GYPC: variants seen among roughly 807,000 people sequenced by gnomAD.
The protein encoded by GYPC is glycophorin C (Gerbich blood group).
GYPC carries 14 observed loss-of-function variants against 12.6 expected under a neutral mutation model. The ratio of observed to expected loss-of-function variants is 1.11; its 90% CI spans 0.74 to 1.74. The LOEUF (loss-of-function observed/expected upper bound fraction) is 1.74. GYPC is among the 40% of genes most tolerant of loss of function. The pLI is 0.00. For missense variants in GYPC, 225 were observed against 172.1 expected (o/e 1.31, Z -1.72); for synonymous variants, 78 against 62.1 (o/e 1.26, Z -1.20).
At position 126,696,170 on chromosome 2, in the gene GYPC, G is replaced by A. The variant is rs766515428; in HGVS notation, c.*28G>A. The stretch of plus-strand genomic sequence containing the variant: ...GACAACAGACTTCACTTCCCTGAAT[G>A]CCTCCCCCATCTCCATCAGGAAAAA... On this transcript the variant is annotated 3_prime_UTR_variant, in exon 4 of 4. Transcript: ENST00000259254. 2.0e-6 allele frequency: 3 copies of A among 1,532,998 alleles called. No individual in the cohort carries two copies. The South Asian group carries it at 3.4e-5, about 17-fold the overall frequency. 95.0% of individuals were successfully genotyped at this position (1,532,998 alleles called of 1,614,324 possible). A position where few individuals can be genotyped will look rare whatever the true frequency, so the allele number is the denominator to read the frequency against.
At chr2:126,668,049 GTA>G (rs1682734646) in intron 1 of GYPC, among the ~76,000 whole-genome samples, 1 of 152,144 alleles carries the variant, frequency 6.6e-6, no homozygotes, top group Non-Finnish European at 1.5e-5. Flanking sequence ...TCAGACACAG[GTA>G]ACAGTGCCAG....
intron 1 of GYPC, among the ~76,000 whole-genome samples, chr2:126,679,350 T>C (rs991341604): frequency 9.2e-5 from 14 of 152,102 alleles, no homozygotes; most frequent in African/African-American, 3.4e-4. Flanking sequence ...TAAATGACAG[T>C]CATTAATGTC....
At chr2:126,670,310 T>C (rs1682811840) in intron 1 of GYPC, among the ~76,000 whole-genome samples, 3 of 152,166 alleles carry the variant, frequency 2.0e-5, no homozygotes, top group African/African-American at 4.8e-5. Context: ...GGGCTCAGGA[T>C]TGCCTGGAGA....
Position 126,696,115 on chromosome 2 carries a change from T to C in GYPC, c.360T>C (p.Asp120=), listed in dbSNP as rs755295944. The change falls in exon 4 of 4, where the codon GAT becomes GAC. Residue 120 remains aspartate (D), a synonymous_variant. Coordinates refer to ENST00000259254, the MANE Select transcript of GYPC (RefSeq NM_002101.5). ...QGDPALQDAG[D]SSRKEYFI ...ACCCTGCCCTCCAAGATGCTGGTGA[T>C]AGCAGCAGAAAGGAGTACTTTATTT... is the stretch of plus-strand genomic sequence containing the variant. 13 of 1,613,652 alleles carry C rather than the reference T, an allele frequency of 8.1e-6. No homozygotes were observed. The Middle Eastern group carries it at 5.0e-4, about 61-fold the overall frequency.
intron 1 of GYPC, chr2:126,680,226 G>A (rs1347580049): frequency 6.6e-6 from 1 of 152,206 alleles, no homozygotes; most frequent in African/African-American, 2.4e-5. Context: ...GGAAAAGGAA[G>A]CCAATGATGT....
At chr2:126,661,578 G>A (rs540606615) in intron 1 of GYPC, among the ~76,000 whole-genome samples, 20 of 152,012 alleles carry the variant, frequency 1.3e-4, no homozygotes, top group African/African-American at 3.1e-4. Context: ...TCAGCCTGCC[G>A]AGTAGCTGGG....
rs1249305604 is a variant in GYPC, at chr2:126,656,304, T to C, written c.41T>C (p.Leu14Pro). The change falls in exon 1 of 4, where the codon CTC (leucine) becomes CCC (proline). Residue 14 changes from leucine to proline, a missense_variant. By Grantham distance (98) the Leu-to-Pro change is moderately conservative. Coordinates refer to ENST00000259254, the MANE Select transcript of GYPC (RefSeq NM_002101.5). ...AGCCCCAACAGCACGGCGTGGCCTC[T>C]CAGCCTCGGTGAGTACCCGCCGTGG... ...TRSPNSTAWP[L>P]SLEPDPGMAS... 7 of 1,590,312 alleles carry C rather than the reference T, an allele frequency of 4.4e-6. No homozygotes were observed. The highest frequency in any genetic ancestry group is 2.3e-5 in the East Asian group (1 of 43,218).
At chr2:126,686,604 T>C (rs965154682) in intron 1 of GYPC, 9 of 981,206 alleles carry the variant, frequency 9.2e-6, no homozygotes, top group Non-Finnish European at 9.7e-6. Context: ...GAGTATAGAG[T>C]TGTGAGCAAG....
At chr2:126,662,395 C>G (rs1039953719) in intron 1 of GYPC, among the ~76,000 whole-genome samples, 3 of 152,174 alleles carry the variant, frequency 2.0e-5, no homozygotes, top group Non-Finnish European at 2.9e-5. Context: ...GGTTCCCCTT[C>G]TGTATTTTTT....
At chr2:126,675,638 C>T in intron 1 of GYPC, 1 of 964,906 alleles carries the variant, frequency 1.0e-6, no homozygotes, top group Non-Finnish European at 1.2e-6. Flanking sequence ...CTAGAGAATC[C>T]CCTTCTCTAT....
At chr2:126,689,502 TG>T (rs1445703296) in intron 1 of GYPC, among the ~76,000 whole-genome samples, 10 of 150,748 alleles carry the variant, frequency 6.6e-5, no homozygotes, top group Non-Finnish European at 1.5e-4. Flanking sequence ...TGATGGGAGG[TG>T]GGACCTAGTG....
intron 1 of GYPC, among the ~76,000 whole-genome samples, chr2:126,663,909 C>T (rs1044163012): frequency 6.6e-6 from 1 of 151,502 alleles, no homozygotes; most frequent in African/African-American, 2.4e-5. Flanking sequence ...CTTCATGCTC[C>T]CCTTTGAATG....
chr2:126,695,854 T>A, intron 3 of GYPC, 92 bp from the exon 4 acceptor site: 1 of 936,468 alleles, frequency 1.1e-6, no homozygotes, highest in Non-Finnish European at 1.8e-6. Flanking sequence ...GCATTGTATC[T>A]GTCCTCACAC....
intron 1 of GYPC, among the ~76,000 whole-genome samples, chr2:126,685,327 A>G (rs1292424606): frequency 2.6e-5 from 4 of 151,622 alleles, no homozygotes; most frequent in Non-Finnish European, 2.9e-5. Context: ...CTTGAACCCC[A>G]AATCAGATTT....
rs1280855562 is a variant in GYPC, at chr2:126,696,221, C to T, written c.*79C>T. The T allele has an allele frequency of 2.0e-6, 2 of 991,688 alleles. No homozygotes were observed. Among genetic ancestry groups the T allele is most frequent in the Middle Eastern group, 2.0e-4 (1 of 4,940 alleles). 61.4% of individuals were successfully genotyped at this position (991,688 alleles called of 1,614,324 possible). A position where few individuals can be genotyped will look rare whatever the true frequency, so the allele number is the denominator to read the frequency against. On this transcript the variant is annotated 3_prime_UTR_variant, in exon 4 of 4. Transcript: ENST00000259254. ...TACACCCCATCGCCCAGCACCCCTG[C>T]TGATACCACCAGACAGAGAGAGAGA...
At chr2:126,673,251 G>T (rs1021730519) in intron 1 of GYPC, among the ~76,000 whole-genome samples, 2 of 152,136 alleles carry the variant, frequency 1.3e-5, no homozygotes, top group African/African-American at 2.4e-5. Context: ...ACTGACTCCT[G>T]ATTCCTGCGC....
At chr2:126,673,684 T>C (rs1226731032) in intron 1 of GYPC, among the ~76,000 whole-genome samples, 1 of 152,232 alleles carries the variant, frequency 6.6e-6, no homozygotes, top group Non-Finnish European at 1.5e-5. Context: ...TGCCAACTCC[T>C]CTTCTCAGTT....
At chr2:126,675,372 T>C (rs1001632676) in intron 1 of GYPC, among the ~76,000 whole-genome samples, 5 of 152,144 alleles carry the variant, frequency 3.3e-5, no homozygotes, top group African/African-American at 1.2e-4. Context: ...TAATAAATAA[T>C]TATTCATAAC....
intron 3 of GYPC, 36 bp from the exon 4 acceptor site, chr2:126,695,910 C>T (rs372622935): frequency 1.9e-6 from 3 of 1,580,046 alleles, no homozygotes; most frequent in South Asian, 2.2e-5. Context: ...AGAGCCCCTG[C>T]CTCAGACTGA....
Sources: allele counts gnomAD v4.1 joint callset (sites outside exome capture counted in the v4.1 genomes callset), GRCh38; gene constraint gnomAD v4.1.1; transcripts MANE v1.5; gene names NCBI Gene and HGNC (gene_info 2026-07-23, HGNC 2026-07-21).